TAS2R1: variants seen among roughly 807,000 people sequenced by gnomAD.
TAS2R1 encodes the protein taste receptor type 2 member 1.
For missense variants in TAS2R1, 370 were observed against 353.4 expected (o/e 1.05, Z -0.38); for synonymous variants, 141 against 134.2 (o/e 1.05, Z -0.35).
chr5:9,825,278 G>A, the TAS2R1 span, among the ~76,000 whole-genome samples: 1 of 152,196 alleles, frequency 6.6e-6, no homozygotes, highest in Non-Finnish European at 1.5e-5. Flanking sequence ...TGGCTGGGGA[G>A]GCCTCACAAT....
chr5:9,848,151 T>C, the TAS2R1 span, among the ~76,000 whole-genome samples: 1 of 152,180 alleles, frequency 6.6e-6, no homozygotes. Flanking sequence ...CTGAAGTAAC[T>C]CTTATCACTG....
At chr5:9,821,566 G>A in the TAS2R1 span, among the ~76,000 whole-genome samples, 1 of 152,326 alleles carries the variant, frequency 6.6e-6, no homozygotes, top group Non-Finnish European at 1.5e-5. Context: ...GAAGAAACAA[G>A]AGCATGATCT....
At chr5:9,742,899 C>A in the TAS2R1 span, among the ~76,000 whole-genome samples, 7,373 of 148,836 alleles carry the variant, frequency 0.05, 529 homozygotes, top group East Asian at 0.19. Context: ...AAAACTGAAC[C>A]AAAAAAAAAG....
the TAS2R1 span, among the ~76,000 whole-genome samples, chr5:9,762,132 T>C: frequency 6.6e-6 from 1 of 152,132 alleles, no homozygotes; most frequent in Non-Finnish European, 1.5e-5. Context: ...ACACTGGTAA[T>C]AATAAAAGAA....
chr5:9,850,977 C>G, the TAS2R1 span, among the ~76,000 whole-genome samples: 22 of 152,150 alleles, frequency 1.4e-4, no homozygotes, highest in Non-Finnish European at 3.1e-4. Flanking sequence ...AAAGTTTTGG[C>G]TGGTGGCATC....
Position 9,697,127 on chromosome 5 carries a change from G to A in TAS2R1, c.-242+15045C>T, listed in dbSNP as rs147905001. Among the ~76,000 whole-genome samples, 6 of 152,110 alleles carry A rather than the reference G, an allele frequency of 3.9e-5. No homozygotes were observed. The East Asian group carries it at 1.2e-3, about 29-fold the overall frequency. ...AAGGAGAGAAAGAAATAACACAATTGCAAGGGAAGCCTTTTAATTTGAACT... is the reference window on the plus strand; with the variant it reads ...AAGGAGAGAAAGAAATAACACAATTACAAGGGAAGCCTTTTAATTTGAACT... On this transcript the variant is annotated intron_variant, in intron 1 of 2. Coordinates refer to the TAS2R1 transcript ENST00000506620.
At chr5:9,779,684 A>C in the TAS2R1 span, among the ~76,000 whole-genome samples, 1 of 152,258 alleles carries the variant, frequency 6.6e-6, no homozygotes, top group Non-Finnish European at 1.5e-5. Flanking sequence ...AGTAACATCA[A>C]AGATCACTCA....
chr5:9,793,525 G>C, the TAS2R1 span, among the ~76,000 whole-genome samples: 1 of 152,180 alleles, frequency 6.6e-6, no homozygotes, highest in Non-Finnish European at 1.5e-5. Flanking sequence ...TCATAAGATA[G>C]GAGGCCTTGG....
At chr5:9,874,542 A>G in the TAS2R1 span, among the ~76,000 whole-genome samples, 2 of 152,182 alleles carry the variant, frequency 1.3e-5, no homozygotes, top group African/African-American at 4.8e-5. Context: ...GGAATCCCAA[A>G]GTTTTACTAA....
At chr5:9,858,086 G>C in the TAS2R1 span, among the ~76,000 whole-genome samples, 2 of 152,116 alleles carry the variant, frequency 1.3e-5, no homozygotes, top group African/African-American at 4.8e-5. Context: ...TGGCCCTAGG[G>C]TGGGCCTAGA....
chr5:9,863,630 C>T, the TAS2R1 span, among the ~76,000 whole-genome samples: 1 of 152,190 alleles, frequency 6.6e-6, no homozygotes, highest in African/African-American at 2.4e-5. Context: ...TGGAACCTAA[C>T]CCCGTGTTCC....
intron 2 of TAS2R1, among the ~76,000 whole-genome samples, chr5:9,651,342 TC>T (rs1440191247): frequency 6.6e-6 from 1 of 152,190 alleles, no homozygotes; most frequent in Non-Finnish European, 1.5e-5. Flanking sequence ...TTAAATACTT[TC>T]TACTATGAAG....
At chr5:9,815,916 G>C in the TAS2R1 span, among the ~76,000 whole-genome samples, 50,180 of 151,970 alleles carry the variant, frequency 0.33, 9,536 homozygotes, top group Admixed American at 0.44. Flanking sequence ...GGTCATTAAT[G>C]TTCCTGAAAC....
the TAS2R1 span, among the ~76,000 whole-genome samples, chr5:9,723,109 C>T: frequency 3.3e-5 from 5 of 152,214 alleles, no homozygotes; most frequent in African/African-American, 1.2e-4. Context: ...CATTTGGGAG[C>T]TTGTCACCAT....
At chr5:9,857,105 G>A in the TAS2R1 span, among the ~76,000 whole-genome samples, 1 of 152,150 alleles carries the variant, frequency 6.6e-6, no homozygotes, top group East Asian at 1.9e-4. Context: ...AGATTCTATG[G>A]AAGCATAGAG....
At chr5:9,645,216 A>C (rs911516312) in intron 2 of TAS2R1, among the ~76,000 whole-genome samples, 1 of 152,170 alleles carries the variant, frequency 6.6e-6, no homozygotes, top group Non-Finnish European at 1.5e-5. Flanking sequence ...CATAACATCA[A>C]TTTGTCCTCT....
intron 1 of TAS2R1, among the ~76,000 whole-genome samples, chr5:9,709,053 TTAGGACAAA>T (rs1166820593): frequency 3.9e-5 from 6 of 152,212 alleles, no homozygotes; most frequent in African/African-American, 1.4e-4. Context: ...AGGGAGAGCA[TTAGGACAAA>T]TATCTAATGC....
the TAS2R1 span, among the ~76,000 whole-genome samples, chr5:9,851,193 G>A: frequency 0.026 from 4,023 of 152,162 alleles, 67 homozygotes; most frequent in Non-Finnish European, 0.041. Context: ...TGTTTATAGA[G>A]AGAATGATAC....
the TAS2R1 span, among the ~76,000 whole-genome samples, chr5:9,900,151 A>G: frequency 6.6e-6 from 1 of 152,198 alleles, no homozygotes; most frequent in Non-Finnish European, 1.5e-5. Context: ...CTGAAACTAA[A>G]TGTCTTAGTT....
Sources: gnomAD v4.1 joint callset for allele counts (sites outside exome capture counted in the v4.1 genomes callset) on GRCh38, gnomAD v4.1.1 for gene constraint, MANE v1.5 for transcripts, NCBI Gene and HGNC (gene_info 2026-07-23, HGNC 2026-07-21) for gene names.